The following RAD51B variants were observed in gnomAD, a reference collection of about 807,000 sequenced individuals.
The protein encoded by RAD51B is DNA repair protein RAD51 homolog 2.
In RAD51B, 38 loss-of-function variants were observed where a neutral mutation model predicts 42.2. That is an observed-to-expected ratio of 0.90 (90% CI 0.70 to 1.18). The LOEUF (loss-of-function observed/expected upper bound fraction) is 1.18. Among genes scored for constraint, RAD51B ranks in the 50% most tolerant of loss-of-function variants. The probability of loss-of-function intolerance (pLI) is 0.00; values close to 1 mark genes in which losing one functional copy is unlikely to be tolerated. For synonymous variants in RAD51B, 154 were observed against 145.2 expected, an observed-to-expected ratio of 1.06 and a Z score of -0.43; for missense variants, 373 against 400.7, an observed-to-expected ratio of 0.93 and a Z score of 0.59.
intron 7 of RAD51B, 147 bp downstream of exon 7, chr14:67,887,351 G>T (rs903048494): frequency 1.2e-5 from 7 of 564,022 alleles, no homozygotes; most frequent in South Asian, 6.2e-5. Context: ...AATTGCTATA[G>T]CAAACATCGC....
intron 7 of RAD51B, among the ~76,000 whole-genome samples, chr14:68,102,113 G>A (rs2140554632): frequency 6.6e-6 from 1 of 152,242 alleles, no homozygotes; most frequent in Non-Finnish European, 1.5e-5. Flanking sequence ...TGGGACACAG[G>A]GCACCATGTC....
chr14:68,143,384 T>C (rs369502259), intron 7 of RAD51B, among the ~76,000 whole-genome samples: 2 of 152,308 alleles, frequency 1.3e-5, no homozygotes, highest in African/African-American at 4.8e-5. Flanking sequence ...AAAATGGACT[T>C]TGTCCACACT....
intron 11 of RAD51B, among the ~76,000 whole-genome samples, chr14:68,659,887 G>T (rs771253889): frequency 3.9e-5 from 6 of 152,236 alleles, no homozygotes; most frequent in Non-Finnish European, 7.3e-5. Context: ...GCTGACACCT[G>T]CAATGGGCAT....
chr14:67,865,860 T>C (rs2042323297), intron 5 of RAD51B, among the ~76,000 whole-genome samples: 1 of 152,240 alleles, frequency 6.6e-6, no homozygotes, highest in African/African-American at 2.4e-5. Flanking sequence ...TTTATAAATG[T>C]ATCCCAGTAG....
At chr14:67,945,972 C>G (rs1324904956) in intron 7 of RAD51B, among the ~76,000 whole-genome samples, 1 of 152,102 alleles carries the variant, frequency 6.6e-6, no homozygotes, top group African/African-American at 2.4e-5. Flanking sequence ...AAGGGGTGTT[C>G]AAAAGTCACT....
At chr14:68,672,349 A>C (rs972450840) in intron 11 of RAD51B, among the ~76,000 whole-genome samples, 1 of 152,208 alleles carries the variant, frequency 6.6e-6, no homozygotes, top group Non-Finnish European at 1.5e-5. Flanking sequence ...TTAAAATGAC[A>C]TTTGCCATTA....
intron 7 of RAD51B, among the ~76,000 whole-genome samples, chr14:68,178,561 A>G (rs2079002972): frequency 6.6e-6 from 1 of 152,128 alleles, no homozygotes; most frequent in African/African-American, 2.4e-5. Context: ...TCCTTCTCAA[A>G]TCCTTCTTTG....
intron 7 of RAD51B, among the ~76,000 whole-genome samples, chr14:67,998,488 GAT>G (rs2075424431): frequency 6.6e-6 from 1 of 152,136 alleles, no homozygotes; most frequent in African/African-American, 2.4e-5. Flanking sequence ...TTTGTAAATG[GAT>G]ATATCACTAC....
chr14:68,539,901 A>T lies in RAD51B; in HGVS notation c.1037-54584A>T, dbSNP rs189995601. On this transcript the variant is annotated intron_variant, in intron 10 of 10. Coordinates refer to the RAD51B transcript ENST00000487270. Reference sequence around the variant, plus strand: ...AAACTGTGGCCTCTAACGGTCCCGTATCCTCCAGGCTGCTGTTGGCTCCTG... The same window carrying T: ...AAACTGTGGCCTCTAACGGTCCCGTTTCCTCCAGGCTGCTGTTGGCTCCTG... Among the ~76,000 whole-genome samples the T allele has an allele frequency of 2.0e-5, 3 of 152,356 alleles. No individual in the cohort carries two copies. In the East Asian group the frequency reaches 5.8e-4, roughly 29 times the overall value.
At chr14:68,633,892 G>A (rs2140124962) in intron 10 of RAD51B, among the ~76,000 whole-genome samples, 1 of 152,364 alleles carries the variant, frequency 6.6e-6, no homozygotes, top group Middle Eastern at 3.4e-3. Flanking sequence ...TGAGACCACA[G>A]CTCAGGCTCA....
intron 7 of RAD51B, among the ~76,000 whole-genome samples, chr14:68,213,071 G>A (rs140239551): frequency 2.6e-5 from 4 of 152,242 alleles, no homozygotes; most frequent in African/African-American, 9.6e-5. Flanking sequence ...TAGTGATGCT[G>A]TTCTATCCAA....
At chr14:68,602,210 A>G (rs1297073776) in intron 10 of RAD51B, among the ~76,000 whole-genome samples, 1 of 151,286 alleles carries the variant, frequency 6.6e-6, no homozygotes, top group East Asian at 1.9e-4. Context: ...CTGCTTGTCC[A>G]CCTTCCTGTC....
At chr14:68,561,494 G>A (rs974041404) in intron 10 of RAD51B, among the ~76,000 whole-genome samples, 4 of 152,194 alleles carry the variant, frequency 2.6e-5, no homozygotes, top group Non-Finnish European at 2.9e-5. Flanking sequence ...ACACTTAGGC[G>A]AGGTGACTAG....
At chr14:68,514,204 G>A (rs1433496702) in intron 10 of RAD51B, among the ~76,000 whole-genome samples, 1 of 152,150 alleles carries the variant, frequency 6.6e-6, no homozygotes, top group Non-Finnish European at 1.5e-5. Flanking sequence ...AGCATAACAT[G>A]ATCCTTTTTT....
intron 10 of RAD51B, among the ~76,000 whole-genome samples, chr14:68,470,097 C>T (rs145962738): frequency 2.2e-4 from 34 of 152,290 alleles, no homozygotes; most frequent in Admixed American, 1.8e-3. Context: ...AGTTGGAAAA[C>T]AGGGGAGAAA....
intron 10 of RAD51B, among the ~76,000 whole-genome samples, chr14:68,535,592 A>G (rs1478973058): frequency 1.3e-5 from 2 of 152,190 alleles, no homozygotes; most frequent in Non-Finnish European, 2.9e-5. Flanking sequence ...ACTCACTGTC[A>G]TACAGATTCC....
chr14:67,864,961 C>CTTTTTTTTTTTTTTTT lies in RAD51B; in HGVS notation c.316-18_316-3dup, dbSNP rs745505141. 78 of 645,056 alleles carry CTTTTTTTTTTTTTTTT rather than the reference C, an allele frequency of 1.2e-4. 38 individuals carry two copies. The highest frequency in any genetic ancestry group is 8.7e-4 in the African/African-American group (23 of 26,446). 40.0% of individuals were successfully genotyped at this position (645,056 alleles called of 1,614,324 possible). On this transcript the variant is annotated intron_variant, in intron 4 of 10. Coordinates refer to ENST00000471583, the MANE Select transcript of RAD51B (RefSeq NM_133510.4). ...TGGCTTGTGATGTTTATCTAAAAAA[C>CTTTTTTTTTTTTTTTT]TTTTTTTTTTTTTTTTTTTTTTTTT...
intron 7 of RAD51B, among the ~76,000 whole-genome samples, chr14:68,228,794 T>A (rs970391734): frequency 6.6e-6 from 1 of 152,216 alleles, no homozygotes; most frequent in African/African-American, 2.4e-5. Context: ...AAGCCACTAT[T>A]TCTTGACTGG....
intron 7 of RAD51B, among the ~76,000 whole-genome samples, chr14:68,231,433 C>T (rs1022841144): frequency 2.0e-5 from 3 of 152,004 alleles, no homozygotes; most frequent in Non-Finnish European, 2.9e-5. Context: ...CTGAAATTCC[C>T]TCCTTTTTCC....
Sources: allele counts gnomAD v4.1 joint callset (sites outside exome capture counted in the v4.1 genomes callset), GRCh38; gene constraint gnomAD v4.1.1; transcripts MANE v1.5; gene names NCBI Gene and HGNC (gene_info 2026-07-23, HGNC 2026-07-21).